Variants in AGMO observed in about 807,000 individuals in gnomAD.
AGMO encodes alkylglycerol monooxygenase.
AGMO carries 75 observed loss-of-function variants against 60.2 expected under a neutral mutation model. The observed-to-expected ratio is 1.25, with a 90% CI of 1.03 to 1.51. AGMO has a LOEUF of 1.51. Ranked by LOEUF, AGMO falls within the 40% of genes most tolerant of loss-of-function variation. The pLI, the probability that AGMO is intolerant of heterozygous loss-of-function variation, is 0.00. For synonymous variants in AGMO, 261 were observed against 177.1 expected, an observed-to-expected ratio of 1.47 and a Z score of -3.76; for missense variants, 763 against 525.5, an observed-to-expected ratio of 1.45 and a Z score of -4.42.
At chr7:15,381,036 G>A (rs1165926117) in intron 10 of AGMO, among the ~76,000 whole-genome samples, 3 of 152,050 alleles carry the variant, frequency 2.0e-5, no homozygotes, top group African/African-American at 7.2e-5. Flanking sequence ...ACTCAGCATA[G>A]ATTAAAGACT....
intron 12 of AGMO, among the ~76,000 whole-genome samples, chr7:15,250,005 T>C: frequency 6.6e-6 from 1 of 152,210 alleles, no homozygotes; most frequent in Non-Finnish European, 1.5e-5. Context: ...TCAGTATTTA[T>C]TCCCAGCTAG....
Position 15,371,554 on chromosome 7 carries a change from C to T in AGMO, c.1075-5332G>A, listed in dbSNP as rs532428107. On this transcript the variant is annotated intron_variant, in intron 10 of 12. Coordinates refer to ENST00000342526, the MANE Select transcript of AGMO (RefSeq NM_001004320.2). ...TACAGGCACCTACCACCTTACATAC[C>T]CGACTAATTTTTTTGTATTTTTAGT... is the stretch of plus-strand genomic sequence containing the variant. Among the ~76,000 whole-genome samples, 113 of 152,102 alleles carry T rather than the reference C, an allele frequency of 7.4e-4. 2 individuals are homozygous for T. In the South Asian group the frequency reaches 0.015, roughly 20 times the overall value.
At chr7:15,275,188 A>G (rs1583352731) in intron 12 of AGMO, among the ~76,000 whole-genome samples, 1 of 152,254 alleles carries the variant, frequency 6.6e-6, no homozygotes, top group Non-Finnish European at 1.5e-5. Flanking sequence ...ATTTAACACA[A>G]TAACCTTTTC....
chr7:15,423,545 T>C (rs1049657876), intron 4 of AGMO, among the ~76,000 whole-genome samples: 1 of 152,232 alleles, frequency 6.6e-6, no homozygotes, highest in Non-Finnish European at 1.5e-5. Flanking sequence ...TAACATGGTG[T>C]GGGAGACCCT....
intron 12 of AGMO, among the ~76,000 whole-genome samples, chr7:15,349,875 A>T (rs1432556809): frequency 6.6e-6 from 1 of 152,108 alleles, no homozygotes; most frequent in Non-Finnish European, 1.5e-5. Context: ...TCCCCCAGTG[A>T]TTGAATTACC....
At chr7:15,275,672 T>G (rs982832401) in intron 12 of AGMO, among the ~76,000 whole-genome samples, 1 of 152,162 alleles carries the variant, frequency 6.6e-6, no homozygotes, top group African/African-American at 2.4e-5. Flanking sequence ...TGTGTTGCTA[T>G]GTTTTCTTAG....
At chr7:15,188,148 C>T in the AGMO span, among the ~76,000 whole-genome samples, 73 of 152,222 alleles carry the variant, frequency 4.8e-4, no homozygotes, top group East Asian at 4.3e-3. Context: ...CGAAGAAGGG[C>T]GCAAACTTCA....
At chr7:15,369,481 C>A (rs149140831) in intron 10 of AGMO, among the ~76,000 whole-genome samples, 2 of 152,204 alleles carry the variant, frequency 1.3e-5, no homozygotes, top group African/African-American at 4.8e-5. Context: ...ACATTTTCCC[C>A]ACTCAAGTCT....
chr7:15,165,479 T>G, the AGMO span, among the ~76,000 whole-genome samples: 2 of 152,192 alleles, frequency 1.3e-5, no homozygotes, highest in African/African-American at 4.8e-5. Context: ...AAACTACACT[T>G]CAATAGAGTC....
At chr7:15,195,256 AAC>A in the AGMO span, among the ~76,000 whole-genome samples, 1 of 152,188 alleles carries the variant, frequency 6.6e-6, no homozygotes, top group African/African-American at 2.4e-5. Flanking sequence ...AGGACATGGA[AAC>A]ACAAAAGAAG....
Position 15,209,376 on chromosome 7 carries a change from A to G in AGMO, c.1264-8017T>C, listed in dbSNP as rs1331841977. ...TCTCTACCATGTAGGAAACAAAAAA[A>G]AGTCTCAAAAAATGAGGTTTTTTTT... On this transcript the variant is annotated intron_variant, in intron 12 of 12. Transcript: ENST00000342526. 1.1e-4 allele frequency among the ~76,000 whole-genome samples: 14 copies of G among 126,876 alleles called. No homozygotes were observed. In the Admixed American group the frequency reaches 1.2e-3, roughly 10 times the overall value. The allele number at this position is 126,876 out of a possible 152,430, so 83.2% of individuals were successfully genotyped here.
intron 1 of AGMO, among the ~76,000 whole-genome samples, chr7:15,560,590 A>G (rs896872292): frequency 6.6e-6 from 1 of 152,178 alleles, no homozygotes; most frequent in Non-Finnish European, 1.5e-5. Context: ...ATTTAGAATA[A>G]GGTAGATAAT....
intron 10 of AGMO, among the ~76,000 whole-genome samples, chr7:15,372,839 A>G (rs775231195): frequency 4.6e-5 from 7 of 152,222 alleles, no homozygotes; most frequent in Admixed American, 2.0e-4. Flanking sequence ...GCTAAATTGA[A>G]ATTATTCTAA....
intron 10 of AGMO, among the ~76,000 whole-genome samples, chr7:15,374,046 G>C (rs1783341627): frequency 6.6e-6 from 1 of 152,130 alleles, no homozygotes; most frequent in African/African-American, 2.4e-5. Flanking sequence ...CAGACACTGT[G>C]AGCTTGCGGA....
chr7:15,322,036 T>A (rs1193479300), intron 12 of AGMO, among the ~76,000 whole-genome samples: 2 of 151,936 alleles, frequency 1.3e-5, no homozygotes, highest in Non-Finnish European at 2.9e-5. Context: ...CTAAGAATGG[T>A]GGCATGCACA....
intron 12 of AGMO, among the ~76,000 whole-genome samples, chr7:15,329,636 C>T (rs1051655368): frequency 2.6e-5 from 4 of 152,300 alleles, no homozygotes; most frequent in East Asian, 1.9e-4. Flanking sequence ...CTAAAGGCGT[C>T]GCTTAATTAC....
the AGMO span, among the ~76,000 whole-genome samples, chr7:15,175,776 G>C: frequency 1.3e-4 from 20 of 151,854 alleles, no homozygotes; most frequent in Non-Finnish European, 2.7e-4. Flanking sequence ...ATAGTATATA[G>C]ATTAAATATT....
At chr7:15,401,675 T>A (rs2128489814) in intron 5 of AGMO, among the ~76,000 whole-genome samples, 1 of 152,294 alleles carries the variant, frequency 6.6e-6, no homozygotes, top group East Asian at 1.9e-4. Flanking sequence ...CATCTATGGT[T>A]AATTGTAAAG....
chr7:15,153,737 T>C, the AGMO span, among the ~76,000 whole-genome samples: 1 of 152,198 alleles, frequency 6.6e-6, no homozygotes, highest in African/African-American at 2.4e-5. Flanking sequence ...TTGGTGACTA[T>C]GGCCTTAAAG....
Sources: allele counts gnomAD v4.1 joint callset (sites outside exome capture counted in the v4.1 genomes callset), GRCh38; gene constraint gnomAD v4.1.1; transcripts MANE v1.5; gene names NCBI Gene and HGNC (gene_info 2026-07-23, HGNC 2026-07-21).